Variants in TMEM38B observed in about 807,000 individuals in gnomAD.
The protein encoded by TMEM38B is trimeric intracellular cation channel type B.
Under a neutral mutation model 28.7 loss-of-function variants are expected in TMEM38B, and 24 were observed. The observed-to-expected ratio is 0.84, with a 90% CI of 0.61 to 1.18. TMEM38B has a LOEUF of 1.18. TMEM38B is among the 50% of genes most tolerant of loss of function. The pLI, the probability that TMEM38B is intolerant of heterozygous loss-of-function variation, is 0.00. For missense variants in TMEM38B, 380 were observed against 350.9 expected (o/e 1.08, Z -0.66); for synonymous variants, 131 against 127.7 (o/e 1.03, Z -0.17).
At chr9:105,765,192 A>G (rs1488331003) in intron 5 of TMEM38B, among the ~76,000 whole-genome samples, 2 of 152,224 alleles carry the variant, frequency 1.3e-5, no homozygotes, top group African/African-American at 4.8e-5. Context: ...AATGTGGATT[A>G]TTTTGCAAAT....
chr9:105,721,755 G>A (rs750490072), intron 3 of TMEM38B, 34 bp downstream of exon 3: 1 of 1,505,464 alleles, frequency 6.6e-7, no homozygotes, highest in Non-Finnish European at 9.1e-7. Flanking sequence ...TAAATATTCT[G>A]TTGTTGGTGT....
intron 4 of TMEM38B, among the ~76,000 whole-genome samples, chr9:105,727,973 C>T (rs545897940): frequency 8.5e-4 from 130 of 152,238 alleles, no homozygotes; most frequent in African/African-American, 3.0e-3. Context: ...TTGTAAGTTT[C>T]CTGAGGCTCT....
chr9:105,727,511 G>A (rs890894413), intron 4 of TMEM38B, among the ~76,000 whole-genome samples: 4 of 152,144 alleles, frequency 2.6e-5, no homozygotes, highest in African/African-American at 9.7e-5. Flanking sequence ...TGGAATATTT[G>A]TATTATATAC....
chr9:105,724,829 G>T (rs1013304502), intron 4 of TMEM38B, among the ~76,000 whole-genome samples: 1 of 152,122 alleles, frequency 6.6e-6, no homozygotes, highest in African/African-American at 2.4e-5. Flanking sequence ...TTCTCATTTT[G>T]AGTATATGCC....
intron 2 of TMEM38B, among the ~76,000 whole-genome samples, chr9:105,719,034 T>C (rs577113009): frequency 7.0e-4 from 107 of 152,328 alleles, no homozygotes; most frequent in African/African-American, 2.5e-3. Context: ...CTTAGTTAAG[T>C]GATACTGTCT....
rs545489937 is a variant in TMEM38B, at chr9:105,774,854, C to G, written c.*774C>G. ...TGTTAATCCTATGTTTTGTAATTTTCATTTTAGGAGCTTGACTTATTTTTT... is the reference window on the plus strand; with the variant it reads ...TGTTAATCCTATGTTTTGTAATTTTGATTTTAGGAGCTTGACTTATTTTTT... On this transcript the variant is annotated 3_prime_UTR_variant, in exon 6 of 6. Coordinates refer to ENST00000374692, the MANE Select transcript of TMEM38B (RefSeq NM_018112.3). The G allele has an allele frequency of 6.6e-6, 1 of 151,814 alleles. No homozygotes were observed. Among genetic ancestry groups the G allele is most frequent in the Non-Finnish European group, 1.5e-5 (1 of 67,892 alleles). 9.4% of individuals were successfully genotyped at this position (151,814 alleles called of 1,614,324 possible).
intron 4 of TMEM38B, among the ~76,000 whole-genome samples, chr9:105,746,156 A>G (rs538748515): frequency 5.3e-5 from 8 of 152,284 alleles, no homozygotes; most frequent in South Asian, 2.1e-4. Context: ...CATTGAATCT[A>G]TAAATTAACT....
chr9:105,736,617 G>T (rs1326928905), intron 4 of TMEM38B, among the ~76,000 whole-genome samples: 1 of 152,130 alleles, frequency 6.6e-6, no homozygotes, highest in Non-Finnish European at 1.5e-5. Flanking sequence ...TTTCTTTGGG[G>T]TCAGTTACTG....
chr9:105,733,417 T>TTTC lies in TMEM38B; in HGVS notation c.542+10798_542+10799insCTT, dbSNP rs1157216098. Among the ~76,000 whole-genome samples the TTTC allele has an allele frequency of 4.3e-5, 6 of 140,822 alleles. 1 individual carries two copies. The highest frequency in any genetic ancestry group is 1.8e-4 in the African/African-American group (6 of 33,308). The allele number at this position is 140,822 out of a possible 152,430, so 92.4% of individuals were successfully genotyped here. ...AGAGATATTGGCTTGCAGTTTTCTT[T>TTTC]TTTCTTTTTTTTTTTTTTTGCGGTG... On this transcript the variant is annotated intron_variant, in intron 4 of 5. Coordinates refer to ENST00000374692, the MANE Select transcript of TMEM38B (RefSeq NM_018112.3).
rs1835204703 is a variant in TMEM38B, at chr9:105,694,588, T to C, written c.-73T>C. 1 of 1,289,898 alleles carries C rather than the reference T, an allele frequency of 7.8e-7. No individual in the cohort carries two copies. Among genetic ancestry groups the C allele is most frequent in the Non-Finnish European group, 1.1e-6 (1 of 893,288 alleles). The allele number at this position is 1,289,898 out of a possible 1,614,324, so 79.9% of individuals were successfully genotyped here. A position where few individuals can be genotyped will look rare whatever the true frequency, so the allele number is the denominator to read the frequency against. ...AGCGGGCGGCCGCGGCTGTGCCCTC[T>C]CCTACTCCTCACCGCGCGAGCGCGG... On this transcript the variant is annotated 5_prime_UTR_variant, in exon 1 of 6. Transcript: ENST00000374692.
intron 2 of TMEM38B, among the ~76,000 whole-genome samples, chr9:105,707,063 C>A (rs964116602): frequency 6.6e-6 from 1 of 152,166 alleles, no homozygotes; most frequent in South Asian, 2.1e-4. Context: ...CAGGCGTGAG[C>A]CACCATGCCC....
chr9:105,707,880 A>G (rs900099959), intron 2 of TMEM38B, among the ~76,000 whole-genome samples: 3 of 152,182 alleles, frequency 2.0e-5, no homozygotes, highest in Non-Finnish European at 4.4e-5. Context: ...TATGTGTTTT[A>G]AAAAACTTTC....
intron 4 of TMEM38B, among the ~76,000 whole-genome samples, chr9:105,732,105 C>T (rs1836773282): frequency 1.3e-5 from 2 of 152,266 alleles, no homozygotes; most frequent in South Asian, 4.1e-4. Context: ...AAAAAGTCTT[C>T]TTTTGAGAAG....
At chr9:105,773,024 A>G (rs1826607379) in intron 5 of TMEM38B, among the ~76,000 whole-genome samples, 1 of 152,092 alleles carries the variant, frequency 6.6e-6, no homozygotes, top group Admixed American at 6.6e-5. Flanking sequence ...TTCTTTGAAA[A>G]TTTGATCCCC....
chr9:105,696,379 C>A (rs1835289444), intron 1 of TMEM38B, among the ~76,000 whole-genome samples: 2 of 152,094 alleles, frequency 1.3e-5, no homozygotes, highest in African/African-American at 4.8e-5. Flanking sequence ...ACCTGTGCCT[C>A]CTGGGTTTAA....
chr9:105,748,171 T>C lies in TMEM38B; in HGVS notation c.641T>C (p.Ile214Thr). 6.2e-7 allele frequency: 1 copy of C among 1,611,604 alleles called. No homozygotes were observed. Among genetic ancestry groups the C allele is most frequent in the Non-Finnish European group, 8.5e-7 (1 of 1,178,080 alleles). The part of the protein sequence containing the change: ...SKHNLMFLYT[I>T]FIVATKITMM... ...CATAATCTTATGTTCCTTTATACCATCTTTATTGTGGCCACAAAGGTAAGA... is the reference window on the plus strand; with the variant it reads ...CATAATCTTATGTTCCTTTATACCACCTTTATTGTGGCCACAAAGGTAAGA... Residue 214 changes from isoleucine to threonine, a missense_variant, in exon 5 of 6, where the codon ATC becomes ACC. Physicochemically the swap from Ile to Thr is moderately conservative, Grantham distance 89 (BLOSUM62 -1). Transcript: ENST00000374692.
intron 2 of TMEM38B, among the ~76,000 whole-genome samples, chr9:105,718,796 T>C (rs1184008216): frequency 6.6e-6 from 1 of 152,220 alleles, no homozygotes; most frequent in Non-Finnish European, 1.5e-5. Flanking sequence ...TATATATTTT[T>C]CTTAAAATTC....
chr9:105,720,286 G>A (rs1284151116), intron 2 of TMEM38B, among the ~76,000 whole-genome samples: 1 of 152,032 alleles, frequency 6.6e-6, no homozygotes, highest in African/African-American at 2.4e-5. Flanking sequence ...GTAACAAGAT[G>A]AATGATTTCT....
chr9:105,723,747 T>C (rs1340929503), intron 4 of TMEM38B, among the ~76,000 whole-genome samples: 3 of 152,080 alleles, frequency 2.0e-5, no homozygotes, highest in Non-Finnish European at 4.4e-5. Context: ...CCCAGGCTGG[T>C]CTTAACTTTT....
Sources: gnomAD v4.1 joint callset for allele counts (sites outside exome capture counted in the v4.1 genomes callset) on GRCh38, gnomAD v4.1.1 for gene constraint, MANE v1.5 for transcripts, NCBI Gene and HGNC (gene_info 2026-07-23, HGNC 2026-07-21) for gene names.